The following GLG1 variants were observed in gnomAD, a reference collection of about 807,000 sequenced individuals.
The protein encoded by GLG1 is golgi glycoprotein 1.
In GLG1, 38 loss-of-function variants were observed where a neutral mutation model predicts 160.5. That is an observed-to-expected ratio of 0.24 (90% CI 0.18 to 0.31). The LOEUF (loss-of-function observed/expected upper bound fraction) is 0.31. Ranked by LOEUF, GLG1 falls within the 10% of genes least tolerant of loss-of-function variation. The pLI, the probability that GLG1 is intolerant of heterozygous loss-of-function variation, is 1.00. For missense variants in GLG1, 1,373 were observed against 1,505.2 expected, an observed-to-expected ratio of 0.91 and a Z score of 1.45; for synonymous variants, 644 against 543.4, an observed-to-expected ratio of 1.19 and a Z score of -2.57.
chr16:74,600,601 G>A (rs1045791588), intron 1 of GLG1, among the ~76,000 whole-genome samples: 6 of 151,150 alleles, frequency 4.0e-5, no homozygotes, highest in South Asian at 2.1e-4. Flanking sequence ...GTGTGGTAGC[G>A]CATGTCTGCA....
chr16:74,546,412 T>G (rs2018047776), intron 1 of GLG1, among the ~76,000 whole-genome samples: 2 of 152,284 alleles, frequency 1.3e-5, no homozygotes, highest in South Asian at 4.2e-4. Flanking sequence ...ACCACAGCAC[T>G]GCAGCCTGGG....
chr16:74,516,677 CT>C (rs1204974077), intron 2 of GLG1, among the ~76,000 whole-genome samples: 2 of 152,134 alleles, frequency 1.3e-5, no homozygotes, highest in Non-Finnish European at 2.9e-5. Flanking sequence ...ATTTCAAAAG[CT>C]AGCAAAAGAC....
chr16:74,491,416 T>C (rs1029411603), intron 7 of GLG1, among the ~76,000 whole-genome samples: 2 of 152,204 alleles, frequency 1.3e-5, no homozygotes, highest in African/African-American at 4.8e-5. Context: ...GCTTCTCCTG[T>C]CACTGTTCTG....
At chr16:74,585,986 T>G (rs1597373564) in intron 1 of GLG1, among the ~76,000 whole-genome samples, 1 of 146,314 alleles carries the variant, frequency 6.8e-6, no homozygotes, top group African/African-American at 2.5e-5. Flanking sequence ...CTGCTTGAAC[T>G]CGGGAGGCAA....
intron 1 of GLG1, among the ~76,000 whole-genome samples, chr16:74,544,827 G>A (rs1017588008): frequency 2.0e-5 from 3 of 152,032 alleles, no homozygotes; most frequent in African/African-American, 4.8e-5. Flanking sequence ...AGCCTAAGTG[G>A]AGCAAAATAC....
intron 8 of GLG1, among the ~76,000 whole-genome samples, chr16:74,488,159 C>T (rs375947576): frequency 6.6e-6 from 1 of 152,048 alleles, no homozygotes; most frequent in East Asian, 1.9e-4. Context: ...ATCACTAAAT[C>T]AATCACCAAG....
At chr16:74,558,856 C>T (rs967581560) in intron 1 of GLG1, among the ~76,000 whole-genome samples, 3 of 152,096 alleles carry the variant, frequency 2.0e-5, no homozygotes, top group Non-Finnish European at 2.9e-5. Flanking sequence ...ATTCTATTAC[C>T]TATTTTGTCA....
At chr16:74,510,906 G>T (rs2016783868) in intron 2 of GLG1, among the ~76,000 whole-genome samples, 1 of 152,106 alleles carries the variant, frequency 6.6e-6, no homozygotes, top group Non-Finnish European at 1.5e-5. Context: ...TTTGGTCAGG[G>T]AAGATTTACC....
At chr16:74,458,049 C>T in intron 23 of GLG1, 55 bp from the exon 24 acceptor site, 1 of 1,574,988 alleles carries the variant, frequency 6.3e-7, no homozygotes, top group Non-Finnish European at 8.7e-7. Context: ...TGCATCAGAT[C>T]TGTTGTCTGT....
At chr16:74,575,285 C>T (rs1567533728) in intron 1 of GLG1, among the ~76,000 whole-genome samples, 1 of 151,970 alleles carries the variant, frequency 6.6e-6, no homozygotes, top group African/African-American at 2.4e-5. Flanking sequence ...ACAGTTAATA[C>T]AAATGAGTAA....
intron 1 of GLG1, among the ~76,000 whole-genome samples, chr16:74,596,230 A>C (rs1260498354): frequency 1.4e-5 from 2 of 147,912 alleles, no homozygotes; most frequent in Non-Finnish European, 3.1e-5. Flanking sequence ...TCAAAAAAAG[A>C]AAAAAAATTT....
At chr16:74,524,862 T>G (rs1282539057) in intron 2 of GLG1, among the ~76,000 whole-genome samples, 10 of 152,212 alleles carry the variant, frequency 6.6e-5, no homozygotes, top group African/African-American at 9.6e-5. Flanking sequence ...AGCAGTCACC[T>G]ACCATTCCCC....
intron 2 of GLG1, among the ~76,000 whole-genome samples, chr16:74,511,172 C>G (rs2016791681): frequency 6.6e-6 from 1 of 152,070 alleles, no homozygotes; most frequent in African/African-American, 2.4e-5. Flanking sequence ...ACGACCAGAT[C>G]TGCTTTTTAG....
Position 74,494,835 on chromosome 16 carries a change from T to C in GLG1, c.979-4A>G. On this transcript the variant is annotated splice_region_variant and splice_polypyrimidine_tract_variant and intron_variant, in intron 5 of 25. Coordinates refer to ENST00000422840, the MANE Select transcript of GLG1 (RefSeq NM_001145667.2). ...CTCTGCCCTCACCAGCTTGTGTCTA[T>C]AAGATGGAACATACACATTATTATT... The C allele has an allele frequency of 1.4e-6, 2 of 1,410,132 alleles. No individual in the cohort carries two copies. The allele number at this position is 1,410,132 out of a possible 1,614,324, so 87.4% of individuals were successfully genotyped here.
intron 7 of GLG1, among the ~76,000 whole-genome samples, chr16:74,491,504 T>C (rs1208566234): frequency 1.3e-5 from 2 of 152,118 alleles, no homozygotes; most frequent in African/African-American, 4.8e-5. Flanking sequence ...AGATAACTAT[T>C]AGGGTAAAAA....
At chr16:74,484,001 A>C (rs2015700322) in intron 9 of GLG1, among the ~76,000 whole-genome samples, 1 of 149,404 alleles carries the variant, frequency 6.7e-6, no homozygotes, top group Admixed American at 6.7e-5. Flanking sequence ...GTTTGTTCAA[A>C]TCAGGATCCA....
At chr16:74,472,246 G>A (rs949243219) in intron 14 of GLG1, 103 bp downstream of exon 14, 6 of 800,734 alleles carry the variant, frequency 7.5e-6, no homozygotes, top group East Asian at 2.5e-5. Flanking sequence ...TAACACTCAA[G>A]AGTAATACAT....
intron 1 of GLG1, among the ~76,000 whole-genome samples, chr16:74,585,836 G>A (rs1380341573): frequency 1.3e-5 from 2 of 152,128 alleles, no homozygotes; most frequent in African/African-American, 4.8e-5. Context: ...GCCAAGGTGG[G>A]TAGACCACTT....
At chr16:74,473,565 G>A (rs534499436) in intron 13 of GLG1, among the ~76,000 whole-genome samples, 81 of 147,348 alleles carry the variant, frequency 5.5e-4, no homozygotes, top group African/African-American at 1.7e-3. Context: ...TCAGCCTCCC[G>A]AGTAGCTGGG....
Sources: allele counts gnomAD v4.1 joint callset (sites outside exome capture counted in the v4.1 genomes callset), GRCh38; gene constraint gnomAD v4.1.1; transcripts MANE v1.5; gene names NCBI Gene and HGNC (gene_info 2026-07-23, HGNC 2026-07-21).